UNC5D: variants seen among roughly 807,000 people sequenced by gnomAD.
The protein encoded by UNC5D is netrin receptor UNC5D.
Under a neutral mutation model 105.4 loss-of-function variants are expected in UNC5D, and 39 were observed. That is an observed-to-expected ratio of 0.37 (90% CI 0.29 to 0.48). The LOEUF (loss-of-function observed/expected upper bound fraction) is 0.48. Ranked by LOEUF, UNC5D falls within the 20% of genes least tolerant of loss-of-function variation. The probability of loss-of-function intolerance (pLI) is 0.98; values close to 1 mark genes in which losing one functional copy is unlikely to be tolerated. For synonymous variants in UNC5D, 452 were observed against 450.4 expected, an observed-to-expected ratio of 1.00 and a Z score of -0.04; for missense variants, 991 against 1,202.4, an observed-to-expected ratio of 0.82 and a Z score of 2.60.
chr8:35,706,324 GTC>G (rs1827573641), intron 8 of UNC5D, among the ~76,000 whole-genome samples: 1 of 152,162 alleles, frequency 6.6e-6, no homozygotes, highest in Non-Finnish European at 1.5e-5. Flanking sequence ...CTGACTACAA[GTC>G]TCTCCACCTA....
chr8:35,622,063 G>A (rs1406941167), intron 4 of UNC5D, among the ~76,000 whole-genome samples: 1 of 152,222 alleles, frequency 6.6e-6, no homozygotes. Flanking sequence ...CTGAGAGGGG[G>A]CCGGGCGCGG....
intron 1 of UNC5D, among the ~76,000 whole-genome samples, chr8:35,258,597 T>C (rs1469126082): frequency 6.6e-6 from 1 of 152,070 alleles, no homozygotes; most frequent in East Asian, 1.9e-4. Flanking sequence ...CAAATTAATA[T>C]ATGCAAAGTA....
intron 4 of UNC5D, among the ~76,000 whole-genome samples, chr8:35,645,959 A>G (rs1306412148): frequency 1.3e-5 from 2 of 152,154 alleles, no homozygotes; most frequent in Non-Finnish European, 2.9e-5. Flanking sequence ...AAGATTATGC[A>G]AAGGATTCCC....
chr8:35,239,881 C>A (rs555159096), intron 1 of UNC5D, among the ~76,000 whole-genome samples: 3 of 152,124 alleles, frequency 2.0e-5, no homozygotes, highest in Non-Finnish European at 4.4e-5. Flanking sequence ...CTCCTTCTTT[C>A]TTTTCCTTTT....
intron 1 of UNC5D, among the ~76,000 whole-genome samples, chr8:35,322,414 T>G (rs919373006): frequency 1.3e-5 from 2 of 151,780 alleles, no homozygotes; most frequent in African/African-American, 2.4e-5. Flanking sequence ...CACAAAACAC[T>G]TGTAAGTCTT....
At chr8:35,337,212 CT>C (rs1214407611) in intron 1 of UNC5D, among the ~76,000 whole-genome samples, 1 of 152,014 alleles carries the variant, frequency 6.6e-6, no homozygotes, top group Admixed American at 6.6e-5. Context: ...ATTTGTGTCC[CT>C]CCCCCTCACC....
chr8:35,366,135 T>C (rs1802106742), intron 1 of UNC5D, among the ~76,000 whole-genome samples: 1 of 152,118 alleles, frequency 6.6e-6, no homozygotes, highest in Admixed American at 6.6e-5. Context: ...TTGGCCAAAA[T>C]ATAGGCATTC....
chr8:35,235,874 C>G lies in UNC5D; in HGVS notation c.90C>G (p.Thr30=). The G allele has an allele frequency of 8.1e-7, 1 of 1,228,816 alleles. No homozygotes were observed. The highest frequency in any genetic ancestry group is 1.0e-6 in the Non-Finnish European group (1 of 985,918). 76.1% of individuals were successfully genotyped at this position (1,228,816 alleles called of 1,614,324 possible). Residue 30 remains threonine, a synonymous_variant, in exon 1 of 17, where the codon ACC becomes ACG. Coordinates refer to ENST00000404895, the MANE Select transcript of UNC5D (RefSeq NM_080872.4). ...WLGLCFWAAG[T]AAARGTDNGE... is the part of the protein sequence containing the mutation. ...GGCTGTGCTTCTGGGCGGCAGGGAC[C>G]GCGGCTGCCCGAGGTAAGCGCTGGG...
In UNC5D at chr8:35,689,956, C is replaced by T. The variant is rs1047718084; in HGVS notation, c.1084+3247C>T. Among the ~76,000 whole-genome samples, 3 of 152,118 alleles carry T rather than the reference C, an allele frequency of 2.0e-5. No homozygotes were observed. In the South Asian group the frequency reaches 6.2e-4, roughly 32 times the overall value. ...TGAAATTAAAACAGCTCAATCCATT[C>T]CTATAGTGGAAATAACATAGCTAGG... is the stretch of plus-strand genomic sequence containing the variant. On this transcript the variant is annotated intron_variant, in intron 7 of 16. Coordinates refer to ENST00000404895, the MANE Select transcript of UNC5D (RefSeq NM_080872.4).
chr8:35,759,177 G>C (rs1830644883), intron 13 of UNC5D, 143 bp from the exon 14 acceptor site: 5 of 847,656 alleles, frequency 5.9e-6, no homozygotes, highest in Non-Finnish European at 7.1e-6. Flanking sequence ...GGACTATGGA[G>C]TTGTAAAGAA....
intron 1 of UNC5D, among the ~76,000 whole-genome samples, chr8:35,462,994 C>T (rs1392482286): frequency 1.3e-5 from 2 of 152,220 alleles, no homozygotes; most frequent in East Asian, 1.9e-4. Flanking sequence ...CTCTGGAACA[C>T]CACACTCTTA....
intron 1 of UNC5D, among the ~76,000 whole-genome samples, chr8:35,306,165 A>T (rs926661013): frequency 6.6e-5 from 10 of 151,854 alleles, no homozygotes; most frequent in African/African-American, 2.4e-4. Context: ...TGAATAAATG[A>T]TTTGAGGTAT....
intron 13 of UNC5D, among the ~76,000 whole-genome samples, chr8:35,753,170 C>T (rs1266378721): frequency 1.3e-5 from 2 of 152,156 alleles, no homozygotes; most frequent in Admixed American, 1.3e-4. Flanking sequence ...AAACCATTAC[C>T]CATTTCTGGT....
At chr8:35,626,082 G>A (rs1241215394) in intron 4 of UNC5D, among the ~76,000 whole-genome samples, 1 of 151,968 alleles carries the variant, frequency 6.6e-6, no homozygotes, top group African/African-American at 2.4e-5. Flanking sequence ...TGTATGTGTA[G>A]CATTCTCATT....
chr8:35,611,924 T>C (rs1820712832), intron 4 of UNC5D, among the ~76,000 whole-genome samples: 2 of 152,182 alleles, frequency 1.3e-5, no homozygotes, highest in Admixed American at 6.5e-5. Context: ...AATTGTTGAG[T>C]TCTCAATAAA....
At chr8:35,426,034 G>A (rs907390360) in intron 1 of UNC5D, among the ~76,000 whole-genome samples, 6 of 151,848 alleles carry the variant, frequency 4.0e-5, no homozygotes, top group African/African-American at 1.5e-4. Context: ...TACCTAAGGC[G>A]GCCCATTTCA....
At chr8:35,253,662 A>G (rs912361558) in intron 1 of UNC5D, among the ~76,000 whole-genome samples, 2 of 149,898 alleles carry the variant, frequency 1.3e-5, no homozygotes, top group African/African-American at 4.9e-5. Flanking sequence ...AATTTTTTGT[A>G]TTTTTTTTAG....
At chr8:35,650,193 A>G (rs939969757) in intron 4 of UNC5D, among the ~76,000 whole-genome samples, 1 of 152,204 alleles carries the variant, frequency 6.6e-6, no homozygotes, top group Non-Finnish European at 1.5e-5. Context: ...AAATAATTCC[A>G]TAGCTCCAGG....
At chr8:35,646,850 T>C (rs1475143875) in intron 4 of UNC5D, among the ~76,000 whole-genome samples, 1 of 152,196 alleles carries the variant, frequency 6.6e-6, no homozygotes, top group Non-Finnish European at 1.5e-5. Context: ...ATATTTAATG[T>C]ATATTTGCTT....
Sources: allele counts gnomAD v4.1 joint callset (sites outside exome capture counted in the v4.1 genomes callset), GRCh38; gene constraint gnomAD v4.1.1; transcripts MANE v1.5; gene names NCBI Gene and HGNC (gene_info 2026-07-23, HGNC 2026-07-21).